ATRNL1: variants seen among roughly 807,000 people sequenced by gnomAD.
ATRNL1 encodes attractin-like protein 1.
ATRNL1 carries 95 observed loss-of-function variants against 182.7 expected under a neutral mutation model. That is an observed-to-expected ratio of 0.52 (90% CI 0.44 to 0.62). ATRNL1 has a LOEUF of 0.62. Ranked by LOEUF, ATRNL1 falls within the 20% of genes least tolerant of loss-of-function variation. ATRNL1 has a pLI of 0.00. For missense variants in ATRNL1, 1,471 were observed against 1,679.5 expected (o/e 0.88, Z 2.17); for synonymous variants, 576 against 568.3 (o/e 1.01, Z -0.19).
At chr10:115,503,687 G>A (rs1849960505) in intron 24 of ATRNL1, among the ~76,000 whole-genome samples, 1 of 147,712 alleles carries the variant, frequency 6.8e-6, no homozygotes, top group Non-Finnish European at 1.5e-5. Flanking sequence ...TTATGTAAAA[G>A]TTTTTATTTT....
chr10:115,295,582 G>A (rs1365098508), intron 15 of ATRNL1, among the ~76,000 whole-genome samples: 1 of 152,164 alleles, frequency 6.6e-6, no homozygotes, highest in African/African-American at 2.4e-5. Flanking sequence ...CTCAGGCCCT[G>A]AGTGCAGGCA....
At chr10:115,515,990 A>C (rs567771060) in intron 24 of ATRNL1, among the ~76,000 whole-genome samples, 4 of 151,772 alleles carry the variant, frequency 2.6e-5, no homozygotes, top group African/African-American at 9.6e-5. Flanking sequence ...ATCCTCTTAG[A>C]GATAATTTCT....
chr10:115,295,739 T>A (rs1554922367), intron 15 of ATRNL1, among the ~76,000 whole-genome samples: 1 of 152,102 alleles, frequency 6.6e-6, no homozygotes, highest in African/African-American at 2.4e-5. Context: ...AACATTCCTT[T>A]GGCTCAGAAG....
At chr10:115,355,599 C>T (rs1347794980) in intron 19 of ATRNL1, among the ~76,000 whole-genome samples, 1 of 151,788 alleles carries the variant, frequency 6.6e-6, no homozygotes, top group African/African-American at 2.4e-5. Flanking sequence ...AAAAGATGTA[C>T]TATAAGAAAA....
chr10:115,122,910 A>G (rs1554872171), intron 3 of ATRNL1, among the ~76,000 whole-genome samples: 1 of 152,184 alleles, frequency 6.6e-6, no homozygotes, highest in East Asian at 1.9e-4. Flanking sequence ...TAACAATTAA[A>G]TTTGATCCTC....
chr10:115,467,938 A>T (rs1406188874), intron 23 of ATRNL1, among the ~76,000 whole-genome samples: 1 of 150,642 alleles, frequency 6.6e-6, no homozygotes, highest in Non-Finnish European at 1.5e-5. Flanking sequence ...TGTGCTGGAA[A>T]TTGTTTCTTT....
intron 19 of ATRNL1, among the ~76,000 whole-genome samples, chr10:115,389,540 GTATATATATATATATATATATA>G (rs58155967): frequency 0.034 from 1,504 of 44,526 alleles, 120 homozygotes; most frequent in South Asian, 0.055. Flanking sequence ...ATGTGTATGT[GTATATATATATATATATATATA>G]TATATATATA....
At chr10:115,751,924 GA>G (rs782091472) in intron 27 of ATRNL1, among the ~76,000 whole-genome samples, 7 of 151,976 alleles carry the variant, frequency 4.6e-5, no homozygotes, top group Non-Finnish European at 8.8e-5. Flanking sequence ...TCATAGGACT[GA>G]AAAGACCAGG....
At chr10:115,195,772 A>G (rs1175189761) in intron 8 of ATRNL1, among the ~76,000 whole-genome samples, 1 of 152,062 alleles carries the variant, frequency 6.6e-6, no homozygotes, top group East Asian at 1.9e-4. Flanking sequence ...ATAACTTTTC[A>G]TCTTCTTTAT....
At chr10:115,199,352 G>A (rs1848472820) in intron 8 of ATRNL1, among the ~76,000 whole-genome samples, 1 of 151,966 alleles carries the variant, frequency 6.6e-6, no homozygotes, top group African/African-American at 2.4e-5. Flanking sequence ...GGATCACAAG[G>A]TCAAGAGATC....
chr10:115,787,719 T>C (rs968148464), intron 27 of ATRNL1, among the ~76,000 whole-genome samples: 20 of 152,146 alleles, frequency 1.3e-4, no homozygotes, highest in Non-Finnish European at 2.8e-4. Context: ...CCCCAAAAGA[T>C]ATCATGTCCT....
At chr10:115,280,751 G>A (rs550081292) in intron 13 of ATRNL1, among the ~76,000 whole-genome samples, 4 of 152,308 alleles carry the variant, frequency 2.6e-5, no homozygotes, top group East Asian at 3.9e-4. Flanking sequence ...TCATCAGTTC[G>A]TGGGGGCTTC....
At chr10:115,490,619 C>T (rs1554976354) in intron 24 of ATRNL1, among the ~76,000 whole-genome samples, 1 of 152,114 alleles carries the variant, frequency 6.6e-6, no homozygotes, top group African/African-American at 2.4e-5. Context: ...GTTAGCAATT[C>T]ATCTAACCTT....
intron 27 of ATRNL1, among the ~76,000 whole-genome samples, chr10:115,763,923 G>T (rs1306006811): frequency 6.6e-6 from 1 of 152,128 alleles, no homozygotes; most frequent in South Asian, 2.1e-4. Flanking sequence ...AACAGAAGAT[G>T]ATACGGTGAA....
intron 28 of ATRNL1, among the ~76,000 whole-genome samples, chr10:115,875,210 G>A (rs575946516): frequency 3.9e-5 from 6 of 152,304 alleles, no homozygotes; most frequent in Admixed American, 6.5e-5. Context: ...TGTTAATAGC[G>A]AAGTTTTTAA....
chr10:115,100,353 T>C (rs547456295), intron 1 of ATRNL1, among the ~76,000 whole-genome samples: 1 of 151,944 alleles, frequency 6.6e-6, no homozygotes, highest in African/African-American at 2.4e-5. Flanking sequence ...TTGATGAAGA[T>C]TTTCTTCATT....
At chr10:115,943,480 C>CCTATTAGCCAATAG (rs1555124738) in intron 28 of ATRNL1, among the ~76,000 whole-genome samples, 1 of 152,196 alleles carries the variant, frequency 6.6e-6, no homozygotes, top group Non-Finnish European at 1.5e-5. Flanking sequence ...GATACTGCCA[C>CCTATTAGCCAATAG]ACACCTATTA....
In ATRNL1 at chr10:115,266,413, AT is replaced by A. The variant is rs200749892; in HGVS notation, c.1773-377del. 6.3e-3 allele frequency among the ~76,000 whole-genome samples: 956 copies of A among 151,680 alleles called. 15 individuals carry two copies. Among genetic ancestry groups the A allele is most frequent in the African/African-American group, 0.022 (929 of 41,506 alleles). On this transcript the variant is annotated intron_variant, in intron 11 of 28. Coordinates refer to ENST00000355044, the MANE Select transcript of ATRNL1 (RefSeq NM_207303.4). ...TCTTGTCCATGTATAGCTATTATCT[AT>A]TTTTTTAAAACATTGTTTTCTATAT... is the stretch of plus-strand genomic sequence containing the variant.
At chr10:115,584,175 G>A (rs1464864245) in intron 26 of ATRNL1, among the ~76,000 whole-genome samples, 1 of 149,352 alleles carries the variant, frequency 6.7e-6, no homozygotes, top group Non-Finnish European at 1.5e-5. Flanking sequence ...GAGGATTTTT[G>A]CATCAATGTT....
Sources: allele counts gnomAD v4.1 joint callset (sites outside exome capture counted in the v4.1 genomes callset), GRCh38; gene constraint gnomAD v4.1.1; transcripts MANE v1.5; gene names NCBI Gene and HGNC (gene_info 2026-07-23, HGNC 2026-07-21).